FTCDNL1: variants seen among roughly 807,000 people sequenced by gnomAD.
FTCDNL1 encodes the protein formiminotransferase N-terminal subdomain-containing protein.
Under a neutral mutation model 5.9 loss-of-function variants are expected in FTCDNL1, and 11 were observed. That is an observed-to-expected ratio of 1.87 (90% CI 1.18 to 3.10). The LOEUF (loss-of-function observed/expected upper bound fraction) is 3.10. Ranked by LOEUF, FTCDNL1 falls within the 30% of genes most tolerant of loss-of-function variation. FTCDNL1 has a pLI of 0.00. For synonymous variants in FTCDNL1, 58 were observed against 24.8 expected (o/e 2.34, Z -3.99); for missense variants, 115 against 65.5 (o/e 1.76, Z -2.61).
At chr2:199,837,723 AT>A (rs1476878010) in intron 3 of FTCDNL1, among the ~76,000 whole-genome samples, 2 of 152,142 alleles carry the variant, frequency 1.3e-5, no homozygotes, top group Non-Finnish European at 2.9e-5. Flanking sequence ...TGTTTTATAT[AT>A]TTTTTTAAAA....
At chr2:199,774,794 A>G (rs993040016) in intron 3 of FTCDNL1, among the ~76,000 whole-genome samples, 18 of 152,096 alleles carry the variant, frequency 1.2e-4, no homozygotes, top group African/African-American at 4.3e-4. Flanking sequence ...AGAGATAAGA[A>G]TCTCTTTATA....
the FTCDNL1 span, among the ~76,000 whole-genome samples, chr2:199,728,682 T>C: frequency 1.3e-5 from 2 of 152,208 alleles, no homozygotes; most frequent in African/African-American, 4.8e-5. Context: ...GTGGGTATTA[T>C]AGATAGGAGG....
At chr2:199,703,271 T>C in the FTCDNL1 span, among the ~76,000 whole-genome samples, 42 of 149,582 alleles carry the variant, frequency 2.8e-4, no homozygotes, top group Non-Finnish European at 4.9e-4. Flanking sequence ...CTAAGAGTAA[T>C]AGGAAGGTAT....
intron 3 of FTCDNL1, among the ~76,000 whole-genome samples, chr2:199,832,535 G>A (rs1475987958): frequency 6.6e-6 from 1 of 152,176 alleles, no homozygotes; most frequent in African/African-American, 2.4e-5. Context: ...AGGAGAAGCT[G>A]TCTGCTATAG....
chr2:199,794,299 C>T lies in FTCDNL1; in HGVS notation c.212-33464G>A, dbSNP rs543273035. Among the ~76,000 whole-genome samples, 71 of 152,252 alleles carry T rather than the reference C, an allele frequency of 4.7e-4. 2 individuals are homozygous for T. In the South Asian group the frequency reaches 0.014, roughly 31 times the overall value. ...TTGCATAGAAGAACCAGCATTCCTA[C>T]ACAAAAGTTTAAAAATATAAAAGCA... On this transcript the variant is annotated intron_variant, in intron 3 of 3. Transcript: ENST00000416668.
chr2:199,820,623 G>A (rs1701624512), intron 3 of FTCDNL1, among the ~76,000 whole-genome samples: 1 of 152,142 alleles, frequency 6.6e-6, no homozygotes, highest in African/African-American at 2.4e-5. Context: ...GCTACATAAG[G>A]AAGCCTAATA....
the FTCDNL1 span, among the ~76,000 whole-genome samples, chr2:199,675,780 G>C: frequency 6.6e-6 from 1 of 152,162 alleles, no homozygotes. Flanking sequence ...TTTTGAGACA[G>C]AGTCTCACTT....
intron 3 of FTCDNL1, among the ~76,000 whole-genome samples, chr2:199,783,548 G>A (rs1699476464): frequency 6.6e-6 from 1 of 152,172 alleles, no homozygotes; most frequent in Non-Finnish European, 1.5e-5. Flanking sequence ...CTGGGACCCT[G>A]TCAGGGTTTT....
At chr2:199,698,354 A>G in the FTCDNL1 span, among the ~76,000 whole-genome samples, 1 of 152,224 alleles carries the variant, frequency 6.6e-6, no homozygotes, top group Non-Finnish European at 1.5e-5. Flanking sequence ...TGCACATGGC[A>G]CATACTCTAA....
the FTCDNL1 span, among the ~76,000 whole-genome samples, chr2:199,674,469 G>A: frequency 2.0e-5 from 3 of 152,124 alleles, no homozygotes; most frequent in African/African-American, 7.2e-5. Context: ...GGATTACCCA[G>A]CACACTATTT....
chr2:199,776,274 C>CAGGGCCATATCTGTT (rs1699065811), intron 3 of FTCDNL1, among the ~76,000 whole-genome samples: 1 of 151,948 alleles, frequency 6.6e-6, no homozygotes. Flanking sequence ...CCATATCTGT[C>CAGGGCCATATCTGTT]ATATAATGAG....
chr2:199,727,119 C>T, the FTCDNL1 span, among the ~76,000 whole-genome samples: 4 of 152,118 alleles, frequency 2.6e-5, no homozygotes, highest in African/African-American at 4.8e-5. Flanking sequence ...CTGAAATTCT[C>T]AAAGGAAGGC....
At chr2:199,799,381 G>C (rs1401359483) in intron 3 of FTCDNL1, among the ~76,000 whole-genome samples, 1 of 152,186 alleles carries the variant, frequency 6.6e-6, no homozygotes, top group African/African-American at 2.4e-5. Context: ...CCAAACCGTG[G>C]AATGCATCTC....
the FTCDNL1 span, among the ~76,000 whole-genome samples, chr2:199,737,726 G>T: frequency 6.6e-6 from 1 of 152,146 alleles, no homozygotes; most frequent in Non-Finnish European, 1.5e-5. Flanking sequence ...CCCACACTTG[G>T]TTTAATGCTC....
chr2:199,842,115 AC>A (rs1217233629), intron 3 of FTCDNL1, among the ~76,000 whole-genome samples: 1 of 151,542 alleles, frequency 6.6e-6, no homozygotes, highest in South Asian at 2.1e-4. Context: ...AAAAAAAAAA[AC>A]AATTAGCTGG....
chr2:199,821,237 C>T (rs1201933428), intron 3 of FTCDNL1, among the ~76,000 whole-genome samples: 1 of 151,708 alleles, frequency 6.6e-6, no homozygotes, highest in Non-Finnish European at 1.5e-5. Flanking sequence ...GCAAACTCCA[C>T]TTCCTGGGTT....
chr2:199,670,654 A>G, the FTCDNL1 span, among the ~76,000 whole-genome samples: 4 of 152,112 alleles, frequency 2.6e-5, no homozygotes, highest in African/African-American at 4.8e-5. Flanking sequence ...CTTTGTATGT[A>G]TGTATATATG....
At chr2:199,707,584 T>C in the FTCDNL1 span, among the ~76,000 whole-genome samples, 1 of 152,078 alleles carries the variant, frequency 6.6e-6, no homozygotes, top group East Asian at 1.9e-4. Flanking sequence ...CATATATGTA[T>C]GTCTCCATTT....
Position 199,765,167 on chromosome 2 carries a change from G to T in FTCDNL1, c.212-4332C>A, listed in dbSNP as rs1463756823. On this transcript the variant is annotated intron_variant, in intron 3 of 3. Coordinates refer to the FTCDNL1 transcript ENST00000416668. ...AAACTATTATGTAAGATACTATATT[G>T]GTGGCTGCATACCATTATGCATTTG... is the stretch of plus-strand genomic sequence containing the variant. Among the ~76,000 whole-genome samples the T allele has an allele frequency of 2.6e-5, 4 of 152,096 alleles. 1 individual carries two copies. The highest frequency in any genetic ancestry group is 5.9e-5 in the Non-Finnish European group (4 of 68,016).
Sources: gnomAD v4.1 joint callset for allele counts (sites outside exome capture counted in the v4.1 genomes callset) on GRCh38, gnomAD v4.1.1 for gene constraint, MANE v1.5 for transcripts, NCBI Gene and HGNC (gene_info 2026-07-23, HGNC 2026-07-21) for gene names.